Variants in SPTA1 observed in about 807,000 individuals in gnomAD.
The protein encoded by SPTA1 is spectrin alpha, erythrocytic 1.
SPTA1 carries 177 observed loss-of-function variants against 324.7 expected under a neutral mutation model. The observed-to-expected ratio is 0.55, with a 90% CI of 0.48 to 0.62. The LOEUF (loss-of-function observed/expected upper bound fraction) is 0.62, where lower values mean the gene tolerates loss of function less well. SPTA1 is among the 20% of genes least tolerant of loss of function. The pLI, the probability that SPTA1 is intolerant of heterozygous loss-of-function variation, is 0.00. For missense variants in SPTA1, 3,162 were observed against 2,883.6 expected (o/e 1.10, Z -2.21); for synonymous variants, 1,195 against 1,041.3 (o/e 1.15, Z -2.84).
rs1262785865 is a variant in SPTA1, at chr1:158,662,723, A to T, written c.2443T>A (p.Ser815Thr). The change falls in exon 17 of 52, where the codon TCA becomes ACA. Residue 815 changes from serine to threonine, a missense_variant. Physicochemically the swap from Ser to Thr is moderately conservative, Grantham distance 58. Coordinates refer to ENST00000643759, the MANE Select transcript of SPTA1 (RefSeq NM_003126.4). ...TAACCAAGGTAGGTGGAAGTAGCTG[A>T]GGGTTCAGTCTCTTGGATCCAGGCC... ...EEAWIQETEP[S>T]ATSTYLGKDL... 5 of 1,613,796 alleles carry T rather than the reference A, an allele frequency of 3.1e-6. No homozygotes were observed. The highest frequency in any genetic ancestry group is 4.2e-6 in the Non-Finnish European group (5 of 1,179,966).
rs1571377207 is a variant in SPTA1, at chr1:158,619,167, C to T, written c.6530+55G>A. The T allele has an allele frequency of 3.9e-6, 6 of 1,520,898 alleles. No individual in the cohort carries two copies. The East Asian group carries it at 1.1e-4, about 29-fold the overall frequency. 94.2% of individuals were successfully genotyped at this position (1,520,898 alleles called of 1,614,324 possible). On this transcript the variant is annotated intron_variant, in intron 45 of 51. Transcript: ENST00000643759. ...TTCCCTTCAAACATGTATTTCATCC[C>T]TATGGCAAATGGTGGTGGCACAGGG...
At chr1:158,622,061 T>G (rs1649951545) in intron 43 of SPTA1, among the ~76,000 whole-genome samples, 1 of 152,206 alleles carries the variant, frequency 6.6e-6, no homozygotes, top group African/African-American at 2.4e-5. Context: ...AGACGGTGTT[T>G]CACCGTGTTA....
At chr1:158,626,342 T>C (rs1557930005) in intron 41 of SPTA1, 120 bp from the exon 42 acceptor site, 1 of 934,652 alleles carries the variant, frequency 1.1e-6, no homozygotes, top group Non-Finnish European at 1.7e-6. Flanking sequence ...AAGTTGATGA[T>C]TAATTGGAAT....
At chr1:158,671,517 T>A in intron 11 of SPTA1, 64 bp from the exon 12 acceptor site, 1 of 1,316,888 alleles carries the variant, frequency 7.6e-7, no homozygotes, top group Non-Finnish European at 1.1e-6. Flanking sequence ...CCTCTTGGCA[T>A]ATCTCTGAGA....
chr1:158,627,020 G>GA lies in SPTA1; in HGVS notation c.5665-14dup. 6.2e-7 allele frequency: 1 copy of GA among 1,613,474 alleles called. No individual in the cohort carries two copies. The highest frequency in any genetic ancestry group is 1.1e-5 in the South Asian group (1 of 91,064). On this transcript the variant is annotated splice_polypyrimidine_tract_variant and intron_variant, in intron 40 of 51. Coordinates refer to ENST00000643759, the MANE Select transcript of SPTA1 (RefSeq NM_003126.4). The stretch of plus-strand genomic sequence containing the variant: ...CCTCCTGCAACACCTGTGAGAAGGG[G>GA]AGAGACAAATATATTTATAATGTGC...
chr1:158,671,492 C>T (rs1024506090), intron 11 of SPTA1, 39 bp from the exon 12 acceptor site: 3 of 1,536,680 alleles, frequency 2.0e-6, no homozygotes, highest in African/African-American at 2.7e-5. Flanking sequence ...CTGTGTCTGA[C>T]CGGTAAGAAA....
intron 43 of SPTA1, among the ~76,000 whole-genome samples, chr1:158,621,825 G>C (rs1254392006): frequency 7.9e-5 from 12 of 152,252 alleles, no homozygotes; most frequent in African/African-American, 2.6e-4. Flanking sequence ...GATTCTTAGG[G>C]TCTAGGAGTG....
intron 48 of SPTA1, chr1:158,614,744 C>T: frequency 5.3e-6 from 1 of 188,292 alleles, no homozygotes; most frequent in South Asian, 1.1e-4. Flanking sequence ...AAAAAGTTTG[C>T]CAATCCTAAT....
rs115588385 is a variant in SPTA1 at position 158,684,545 on chromosome 1, G to A, written c.264+563C>T. ...AAATCTCCTTTGCAAATAACACCCC[G>A]ATGTTTATGAAGATGAAGACATGGA... On this transcript the variant is annotated intron_variant, in intron 2 of 51. Coordinates refer to ENST00000643759, the MANE Select transcript of SPTA1 (RefSeq NM_003126.4). 4.8e-3 allele frequency among the ~76,000 whole-genome samples: 735 copies of A among 152,058 alleles called. 4 individuals are homozygous for A. The highest frequency in any genetic ancestry group is 0.017 in the African/African-American group (704 of 41,516).
intron 27 of SPTA1, among the ~76,000 whole-genome samples, chr1:158,646,037 T>A (rs1651975798): frequency 6.6e-6 from 1 of 152,208 alleles, no homozygotes. Context: ...AGATACATCT[T>A]ATTACAGAGT....
intron 39 of SPTA1, among the ~76,000 whole-genome samples, chr1:158,628,714 C>A (rs1650461724): frequency 6.6e-6 from 1 of 152,032 alleles, no homozygotes; most frequent in Non-Finnish European, 1.5e-5. Flanking sequence ...CCTTCGCCTT[C>A]TATTTTCAAA....
At chr1:158,682,048 G>C (rs951325807) in intron 3 of SPTA1, among the ~76,000 whole-genome samples, 4 of 152,110 alleles carry the variant, frequency 2.6e-5, no homozygotes, top group Non-Finnish European at 5.9e-5. Flanking sequence ...AACAGCAATA[G>C]CAAAGGCATA....
At chr1:158,618,144 C>A in intron 45 of SPTA1, 88 bp from the exon 46 acceptor site, 1 of 1,343,992 alleles carries the variant, frequency 7.4e-7, no homozygotes, top group Non-Finnish European at 1.1e-6. Flanking sequence ...CTCATTTCCT[C>A]AGATTTATGA....
At position 158,644,391 on chromosome 1, in the gene SPTA1, G is replaced by C; in HGVS notation, c.4200C>G (p.Phe1400Leu). The change falls in exon 30 of 52, where the codon TTC (phenylalanine) becomes TTG (leucine). Residue 1400 changes from phenylalanine to leucine, a missense_variant. By Grantham distance (22) the Phe-to-Leu change is conservative. Transcript: ENST00000643759. ...TCTCAACTTGATCACAGTTCCCCTG[G>C]AACATCTATGAGGAATCAAATGAGA... ...ILDQCLELQM[F>L]QGNCDQVESW... 6.2e-7 allele frequency: 1 copy of C among 1,613,688 alleles called. No individual in the cohort carries two copies. Among genetic ancestry groups the C allele is most frequent in the Non-Finnish European group, 8.5e-7 (1 of 1,179,816 alleles).
At chr1:158,654,065 T>C (rs565802872) in intron 21 of SPTA1, among the ~76,000 whole-genome samples, 1 of 152,344 alleles carries the variant, frequency 6.6e-6, no homozygotes, top group African/African-American at 2.4e-5. Context: ...TCTTTTCTTC[T>C]TAAGAATTTT....
Position 158,660,570 on chromosome 1 carries a change from A to G in SPTA1, c.2587+717T>C, listed in dbSNP as rs528931402. ...AGAGAAGAAGACAAAATCTACAAGTATAGTTGAAGATTTAAAAAACAGGCG... is the reference window on the plus strand; with the variant it reads ...AGAGAAGAAGACAAAATCTACAAGTGTAGTTGAAGATTTAAAAAACAGGCG... On this transcript the variant is annotated intron_variant, in intron 18 of 51. Transcript: ENST00000643759. Among the ~76,000 whole-genome samples, 5 of 152,362 alleles carry G rather than the reference A, an allele frequency of 3.3e-5. No individual in the cohort carries two copies. In the South Asian group the frequency reaches 1.0e-3, roughly 32 times the overall value.
At chr1:158,656,896 A>G (rs1652865754) in intron 19 of SPTA1, among the ~76,000 whole-genome samples, 1 of 152,242 alleles carries the variant, frequency 6.6e-6, no homozygotes, top group Admixed American at 6.5e-5. Context: ...TATTTTTATC[A>G]ACACAGATTA....
chr1:158,627,540 C>T (rs1650358934), intron 40 of SPTA1, 85 bp downstream of exon 40: 1 of 1,297,672 alleles, frequency 7.7e-7, no homozygotes, highest in Non-Finnish European at 1.1e-6. Flanking sequence ...GCACTGCTCT[C>T]TGCATATGAT....
At position 158,627,734 on chromosome 1, in the gene SPTA1, A is replaced by G. The variant is rs886045382; in HGVS notation, c.5566-11T>C. 5 of 1,609,872 alleles carry G rather than the reference A, an allele frequency of 3.1e-6. No individual in the cohort carries two copies. The Admixed American group carries it at 8.3e-5, about 27-fold the overall frequency. On this transcript the variant is annotated splice_polypyrimidine_tract_variant and intron_variant, in intron 39 of 51. Transcript: ENST00000643759. ...CTTCATTAGCAAGCTCTGCATAAATAAGTCGGTGAGAATTAAGATATCCAA... is the reference window on the plus strand; with the variant it reads ...CTTCATTAGCAAGCTCTGCATAAATGAGTCGGTGAGAATTAAGATATCCAA...
Sources: allele counts gnomAD v4.1 joint callset (sites outside exome capture counted in the v4.1 genomes callset), GRCh38; gene constraint gnomAD v4.1.1; transcripts MANE v1.5; gene names NCBI Gene and HGNC (gene_info 2026-07-23, HGNC 2026-07-21).